Variants in PCDHGA8 observed in about 807,000 individuals in gnomAD.
PCDHGA8 encodes the protein protocadherin gamma-A8.
A neutral mutation model predicts 59.2 loss-of-function variants in PCDHGA8; 45 were observed. The ratio of observed to expected loss-of-function variants is 0.76; its 90% confidence interval spans 0.60 to 0.98. PCDHGA8 has a LOEUF of 0.98. PCDHGA8 is among the 50% of genes least tolerant of loss of function. The probability of loss-of-function intolerance (pLI) is 0.00; values close to 1 mark genes in which losing one functional copy is unlikely to be tolerated. For missense variants in PCDHGA8, 1,257 were observed against 1,196.2 expected, an observed-to-expected ratio of 1.05 and a Z score of -0.75; for synonymous variants, 531 against 519.0, an observed-to-expected ratio of 1.02 and a Z score of -0.32.
At chr5:141,410,515 G>T in intron 1 of PCDHGA8, 1 of 1,613,946 alleles carries the variant, frequency 6.2e-7, no homozygotes, top group South Asian at 1.1e-5. Flanking sequence ...AATGCAGTGT[G>T]CCCCTACATT....
chr5:141,426,542 T>C, intron 1 of PCDHGA8: 1 of 347,918 alleles, frequency 2.9e-6, no homozygotes, highest in South Asian at 2.2e-5. Context: ...AACATACTTG[T>C]GAGTGACAGA....
intron 1 of PCDHGA8, chr5:141,440,531 C>G (rs931337116): frequency 6.6e-6 from 1 of 152,272 alleles, no homozygotes; most frequent in Middle Eastern, 3.4e-3. Flanking sequence ...GAATCATGCA[C>G]CACGGTTCAG....
intron 1 of PCDHGA8, among the ~76,000 whole-genome samples, chr5:141,450,823 A>ATTT: frequency 7.5e-6 from 1 of 133,136 alleles, no homozygotes; most frequent in African/African-American, 2.9e-5. Flanking sequence ...TAATATTATT[A>ATTT]TTATTATTTT....
At chr5:141,413,355 C>G in intron 1 of PCDHGA8, 1 of 1,613,952 alleles carries the variant, frequency 6.2e-7, no homozygotes, top group Non-Finnish European at 8.5e-7. Context: ...GTCTGGCGCC[C>G]CGGGAGCTGG....
At chr5:141,421,455 C>T (rs762490406) in intron 1 of PCDHGA8, 7 of 1,614,108 alleles carry the variant, frequency 4.3e-6, no homozygotes, top group Non-Finnish European at 4.2e-6. Flanking sequence ...CACAGCTTTT[C>T]GCTGTGAATC....
Position 141,476,855 on chromosome 5 carries a change from T to C in PCDHGA8, c.2425-17952T>C, listed in dbSNP as rs149491772. The C allele has an allele frequency of 3.2e-4, 519 of 1,613,836 alleles. 3 individuals carry two copies. The African/African-American group carries it at 6.2e-3, about 19-fold the overall frequency. Reference sequence around the variant, plus strand: ...TGACAATGCGCCTGTCTTCAACCAGTCCTTGTACCGGGCGCGCGTCCTGGA... The same window carrying C: ...TGACAATGCGCCTGTCTTCAACCAGCCCTTGTACCGGGCGCGCGTCCTGGA... On this transcript the variant is annotated intron_variant, in intron 1 of 3. Coordinates refer to ENST00000398604, the MANE Select transcript of PCDHGA8 (RefSeq NM_032088.2). This position sits in a 1 kb window ranked among gnomAD's most constrained non-coding sequence, Gnocchi z 7.6.
Position 141,422,537 on chromosome 5 carries a change from C to T in PCDHGA8, c.2424+27300C>T, listed in dbSNP as rs993210917. 2.5e-6 allele frequency: 4 copies of T among 1,613,874 alleles called. No individual in the cohort carries two copies. Among genetic ancestry groups the T allele is most frequent in the Non-Finnish European group, 3.4e-6 (4 of 1,179,894 alleles). ...GGAAGCCCGCCTTTGTCTGCAGAAA[C>T]TCATGTCTGGCTGAATGTGGCAGAT... is the stretch of plus-strand genomic sequence containing the variant. On this transcript the variant is annotated intron_variant, in intron 1 of 3. Coordinates refer to ENST00000398604, the MANE Select transcript of PCDHGA8 (RefSeq NM_032088.2).
At position 141,485,293 on chromosome 5, in the gene PCDHGA8, G is replaced by A. The variant is rs1356836741; in HGVS notation, c.2425-9514G>A. On this transcript the variant is annotated intron_variant, in intron 1 of 3. Transcript: ENST00000398604. The surrounding 1 kb of genome is among the most constrained non-coding windows in gnomAD (Gnocchi z 5.7). ...GCTACCCGGTCCCAGAGGAGTCACA[G>A]GAAGGGACTTTTGTAGGGAATGTCG... 1 of 1,614,170 alleles carries A rather than the reference G, an allele frequency of 6.2e-7. No individual in the cohort carries two copies.
chr5:141,415,017 G>A lies in PCDHGA8; in HGVS notation c.2424+19780G>A, dbSNP rs1344566574. ...CCTGGCTGTCCTACCGTCTGCTCAA[G>A]GCCAGCGAGCCGGGACTCTTCGCGG... On this transcript the variant is annotated intron_variant, in intron 1 of 3. Transcript: ENST00000398604. The A allele has an allele frequency of 1.9e-6, 3 of 1,613,574 alleles. No homozygotes were observed. In the Admixed American group the frequency reaches 5.0e-5, roughly 27 times the overall value.
At chr5:141,479,740 C>T (rs1434967266) in intron 1 of PCDHGA8, 1 of 152,168 alleles carries the variant, frequency 6.6e-6, no homozygotes, top group Non-Finnish European at 1.5e-5. Context: ...AGTATATGCA[C>T]AATGTGAAAG....
intron 2 of PCDHGA8, among the ~76,000 whole-genome samples, chr5:141,499,738 A>G (rs1284003023): frequency 2.4e-5 from 3 of 127,268 alleles, no homozygotes; most frequent in South Asian, 2.4e-4. Flanking sequence ...TCTCTTGCCC[A>G]GGCTGTGGCA....
In PCDHGA8 at chr5:141,408,459, T is replaced by A; in HGVS notation, c.2424+13222T>A. 5 of 1,613,950 alleles carry A rather than the reference T, an allele frequency of 3.1e-6. No homozygotes were observed. The East Asian group carries it at 1.1e-4, about 36-fold the overall frequency. Reference sequence around the variant, plus strand: ...GACGCGGAGAGCGGGGACTTACTTGTGAAGAACCGAATAGACCGTGAGCAA... The same window carrying A: ...GACGCGGAGAGCGGGGACTTACTTGAGAAGAACCGAATAGACCGTGAGCAA... On this transcript the variant is annotated intron_variant, in intron 1 of 3. Transcript: ENST00000398604.
At position 141,422,030 on chromosome 5, in the gene PCDHGA8, C is replaced by T. The variant is rs1404612424; in HGVS notation, c.2424+26793C>T. ...ACTCGGGTGCTGATGGTTAATGCAA[C>T]GGATCCAGACGAGGGAATCAACGGG... On this transcript the variant is annotated intron_variant, in intron 1 of 3. Coordinates refer to ENST00000398604, the MANE Select transcript of PCDHGA8 (RefSeq NM_032088.2). 3 of 1,609,592 alleles carry T rather than the reference C, an allele frequency of 1.9e-6. No homozygotes were observed. The South Asian group carries it at 3.3e-5, about 18-fold the overall frequency.
intron 3 of PCDHGA8, 44 bp downstream of exon 3, chr5:141,505,525 G>C: frequency 1.2e-6 from 2 of 1,612,490 alleles, no homozygotes; most frequent in Non-Finnish European, 1.7e-6. Flanking sequence ...GAGACCTGGG[G>C]TTCTGGGGTG....
Position 141,491,994 on chromosome 5 carries a change from C to T in PCDHGA8, c.2425-2813C>T. On this transcript the variant is annotated intron_variant, in intron 1 of 3. Transcript: ENST00000398604. This position sits in a 1 kb window ranked among gnomAD's most constrained non-coding sequence, Gnocchi z 6.9. ...CCTCCTTCGAGCTTCCGGTGAATTT[C>T]GGGCGATTTCCGCGGGTGTCGGGGG... The T allele has an allele frequency of 4.3e-6, 3 of 693,016 alleles. No individual in the cohort carries two copies. The allele number at this position is 693,016 out of a possible 1,614,324, so 42.9% of individuals were successfully genotyped here.
intron 1 of PCDHGA8, among the ~76,000 whole-genome samples, chr5:141,406,607 C>T (rs1289606470): frequency 6.6e-6 from 1 of 152,202 alleles, no homozygotes; most frequent in Non-Finnish European, 1.5e-5. Flanking sequence ...AAAGTTGTCA[C>T]ATCTTTTATT....
chr5:141,485,566 C>G lies in PCDHGA8; in HGVS notation c.2425-9241C>G, dbSNP rs768144422. On this transcript the variant is annotated intron_variant, in intron 1 of 3. Transcript: ENST00000398604. This position sits in a 1 kb window ranked among gnomAD's most constrained non-coding sequence, Gnocchi z 5.7. ...TCGTAGATGTGAATGATCACGCCCC[C>G]CGTTTTCCGCGGCAGCAGCTGGACT... 2.5e-6 allele frequency: 4 copies of G among 1,612,808 alleles called. No homozygotes were observed. Among genetic ancestry groups the G allele is most frequent in the South Asian group, 2.2e-5 (2 of 91,028 alleles).
chr5:141,507,616 G>A (rs1288020739), intron 3 of PCDHGA8, among the ~76,000 whole-genome samples: 3 of 152,252 alleles, frequency 2.0e-5, no homozygotes, highest in Non-Finnish European at 4.4e-5. Context: ...GGTATATTTA[G>A]CTGTTGTGGC....
intron 1 of PCDHGA8, chr5:141,421,025 A>G: frequency 5.7e-6 from 3 of 526,286 alleles, no homozygotes; most frequent in East Asian, 3.2e-5. Context: ...GCTGCGCGCC[A>G]TTGAGTCCCT....
Sources: allele counts gnomAD v4.1 joint callset (sites outside exome capture counted in the v4.1 genomes callset), GRCh38; gene constraint gnomAD v4.1.1; non-coding constraint Gnocchi (gnomAD v3.1); transcripts MANE v1.5; gene names NCBI Gene and HGNC (gene_info 2026-07-23, HGNC 2026-07-21).